Variants in HPSE2 observed in about 807,000 individuals in gnomAD.
HPSE2 encodes the protein inactive heparanase-2.
Under a neutral mutation model 60.5 loss-of-function variants are expected in HPSE2, and 38 were observed. The ratio of observed to expected loss-of-function variants is 0.63; its 90% CI spans 0.48 to 0.82. The LOEUF is 0.82. HPSE2 is among the 40% of genes least tolerant of loss of function. The pLI is 0.00. For missense variants in HPSE2, 713 were observed against 740.4 expected (o/e 0.96, Z 0.43); for synonymous variants, 295 against 293.2 (o/e 1.01, Z -0.06).
chr10:98,602,069 T>C (rs1410243120), intron 9 of HPSE2, among the ~76,000 whole-genome samples: 1 of 152,156 alleles, frequency 6.6e-6, no homozygotes, highest in East Asian at 1.9e-4. Context: ...TCCCAGGAGC[T>C]GATAGTAAGT....
intron 3 of HPSE2, among the ~76,000 whole-genome samples, chr10:98,843,209 CG>C (rs1288028303): frequency 6.6e-6 from 1 of 152,004 alleles, no homozygotes; most frequent in Non-Finnish European, 1.5e-5. Flanking sequence ...CTCCACCCTC[CG>C]ATAGGCCCCA....
At chr10:98,638,452 T>G (rs1251720879) in intron 7 of HPSE2, among the ~76,000 whole-genome samples, 1 of 151,792 alleles carries the variant, frequency 6.6e-6, no homozygotes, top group East Asian at 1.9e-4. Context: ...CACAAAAAAT[T>G]AAAAATTAAA....
intron 5 of HPSE2, among the ~76,000 whole-genome samples, chr10:98,721,166 T>C (rs1323198708): frequency 1.3e-5 from 2 of 151,634 alleles, no homozygotes; most frequent in Admixed American, 6.6e-5. Flanking sequence ...CAAAACTAAA[T>C]AGGAAAAGTG....
chr10:98,707,527 T>G (rs1475153121), intron 5 of HPSE2, among the ~76,000 whole-genome samples: 1 of 152,150 alleles, frequency 6.6e-6, no homozygotes, highest in African/African-American at 2.4e-5. Flanking sequence ...AAAGGAACAT[T>G]ATATAAAAAA....
At chr10:98,738,672 G>C (rs1425083639) in intron 4 of HPSE2, among the ~76,000 whole-genome samples, 2 of 152,170 alleles carry the variant, frequency 1.3e-5, no homozygotes, top group Non-Finnish European at 2.9e-5. Flanking sequence ...GATATGAACA[G>C]ACACTTTTCA....
At chr10:99,295,800 T>C in the HPSE2 span, among the ~76,000 whole-genome samples, 4 of 152,210 alleles carry the variant, frequency 2.6e-5, no homozygotes, top group African/African-American at 9.6e-5. Flanking sequence ...TCCTCATCTG[T>C]AGAATGGGGA....
At chr10:98,895,410 C>T (rs567952647) in intron 3 of HPSE2, among the ~76,000 whole-genome samples, 2 of 152,252 alleles carry the variant, frequency 1.3e-5, no homozygotes, top group African/African-American at 4.8e-5. Flanking sequence ...GTCCATGTAG[C>T]TGAAAATTGA....
chr10:98,574,054 C>T (rs1162324279), intron 9 of HPSE2, among the ~76,000 whole-genome samples: 2 of 152,084 alleles, frequency 1.3e-5, no homozygotes, highest in African/African-American at 2.4e-5. Context: ...ACCCCTTACC[C>T]CACCCCTCAC....
intron 9 of HPSE2, among the ~76,000 whole-genome samples, chr10:98,541,673 A>G (rs1191372676): frequency 1.3e-5 from 2 of 152,224 alleles, no homozygotes; most frequent in Non-Finnish European, 2.9e-5. Flanking sequence ...TACATCCCAC[A>G]CATGGCTCAG....
chr10:99,136,823 A>C (rs937483363), intron 3 of HPSE2, among the ~76,000 whole-genome samples: 2 of 152,150 alleles, frequency 1.3e-5, no homozygotes, highest in East Asian at 1.9e-4. Context: ...CCCTTTGAAA[A>C]CCAGCGAAAG....
At chr10:99,164,068 T>C (rs1338334042) in intron 2 of HPSE2, among the ~76,000 whole-genome samples, 1 of 151,438 alleles carries the variant, frequency 6.6e-6, no homozygotes, top group Non-Finnish European at 1.5e-5. Flanking sequence ...CTGTAAACTT[T>C]TGCCCACTAA....
intron 5 of HPSE2, among the ~76,000 whole-genome samples, chr10:98,716,499 A>T (rs1440054554): frequency 6.6e-6 from 1 of 151,986 alleles, no homozygotes; most frequent in Non-Finnish European, 1.5e-5. Context: ...ACCTTTTCCC[A>T]TGAATCACAA....
intron 3 of HPSE2, among the ~76,000 whole-genome samples, chr10:99,113,454 C>G (rs1284453912): frequency 6.6e-6 from 1 of 152,050 alleles, no homozygotes; most frequent in Non-Finnish European, 1.5e-5. Context: ...GAACATATAT[C>G]ATTCATATAT....
rs61074165 is a variant in HPSE2 at position 99,173,943 on chromosome 10, C to CAAAA, written c.449-29548_449-29545dup. 2.5e-3 allele frequency among the ~76,000 whole-genome samples: 253 copies of CAAAA among 99,924 alleles called. 16 individuals carry two copies. The highest frequency in any genetic ancestry group is 0.015 in the African/African-American group (234 of 15,866). 65.6% of individuals were successfully genotyped at this position (99,924 alleles called of 152,430 possible). The stretch of plus-strand genomic sequence containing the variant: ...GAGCAACAAGAGCGAGACTCTGTCT[C>CAAAA]AAAAAAAAAAAAAAAAAAAAAAAAA... On this transcript the variant is annotated intron_variant, in intron 2 of 11. Coordinates refer to ENST00000370552, the MANE Select transcript of HPSE2 (RefSeq NM_021828.5).
the HPSE2 span, among the ~76,000 whole-genome samples, chr10:99,308,554 T>G: frequency 6.6e-6 from 1 of 152,056 alleles, no homozygotes; most frequent in East Asian, 1.9e-4. Context: ...CTTTTTCTGT[T>G]TGCCCCAGGA....
At chr10:98,578,241 T>G (rs1326719618) in intron 9 of HPSE2, among the ~76,000 whole-genome samples, 1 of 152,200 alleles carries the variant, frequency 6.6e-6, no homozygotes, top group African/African-American at 2.4e-5. Flanking sequence ...TGATTCTTGA[T>G]GAGATCTCCT....
At chr10:99,130,360 T>C (rs983371078) in intron 3 of HPSE2, among the ~76,000 whole-genome samples, 2 of 152,020 alleles carry the variant, frequency 1.3e-5, no homozygotes, top group Non-Finnish European at 2.9e-5. Context: ...CTGATGAACA[T>C]AGATCCAAAA....
chr10:98,548,409 G>C (rs886413714), intron 9 of HPSE2, among the ~76,000 whole-genome samples: 3 of 152,160 alleles, frequency 2.0e-5, no homozygotes, highest in Non-Finnish European at 4.4e-5. Context: ...TTGAGGTCAG[G>C]AGTTCAAGAC....
intron 3 of HPSE2, among the ~76,000 whole-genome samples, chr10:99,054,054 A>C (rs969829812): frequency 3.3e-5 from 5 of 152,056 alleles, no homozygotes; most frequent in Non-Finnish European, 7.4e-5. Flanking sequence ...CAGTCTTAGC[A>C]GATCAAAGTG....
Sources: allele counts gnomAD v4.1 joint callset (sites outside exome capture counted in the v4.1 genomes callset), GRCh38; gene constraint gnomAD v4.1.1; transcripts MANE v1.5; gene names NCBI Gene and HGNC (gene_info 2026-07-23, HGNC 2026-07-21).